The following PRKCB variants were observed in gnomAD, a reference collection of about 807,000 sequenced individuals.
PRKCB encodes protein kinase C beta type.
PRKCB carries 13 observed loss-of-function variants against 81.5 expected under a neutral mutation model. The observed-to-expected ratio is 0.16, with a 90% confidence interval of 0.10 to 0.25. PRKCB has a LOEUF of 0.25. Among genes scored for constraint, PRKCB ranks in the 10% least tolerant of loss-of-function variants. The pLI, the probability that PRKCB is intolerant of heterozygous loss-of-function variation, is 1.00. For missense variants in PRKCB, 509 were observed against 875.7 expected, an observed-to-expected ratio of 0.58 and a Z score of 5.29; for synonymous variants, 335 against 321.4, an observed-to-expected ratio of 1.04 and a Z score of -0.45.
intron 3 of PRKCB, among the ~76,000 whole-genome samples, chr16:24,015,794 G>A (rs1397471164): frequency 6.6e-6 from 1 of 152,192 alleles, no homozygotes; most frequent in Non-Finnish European, 1.5e-5. Context: ...CATAGGGAAG[G>A]TACTCAACGA....
chr16:23,875,499 ATATATATG>A lies in PRKCB; in HGVS notation c.205+38094_205+38101del, dbSNP rs1173439236. Reference sequence around the variant, plus strand: ...TAAAAAGATATATATATATATATATATATATATGATGTATATCACACACATATGTGTAT... The same window carrying A: ...TAAAAAGATATATATATATATATATAATGTATATCACACACATATGTGTAT... On this transcript the variant is annotated intron_variant, in intron 2 of 16. Transcript: ENST00000643927. 4.6e-3 allele frequency among the ~76,000 whole-genome samples: 81 copies of A among 17,568 alleles called. 6 individuals carry two copies. The highest frequency in any genetic ancestry group is 0.014 in the African/African-American group (63 of 4,558). The allele number at this position is 17,568 out of a possible 152,430, so 11.5% of individuals were successfully genotyped here.
chr16:23,847,154 T>C (rs2141078945), intron 2 of PRKCB, among the ~76,000 whole-genome samples: 1 of 152,228 alleles, frequency 6.6e-6, no homozygotes, highest in South Asian at 2.1e-4. Context: ...CTAGCTTTCT[T>C]TTTTCTTTCA....
chr16:23,876,230 C>T (rs1057161636), intron 2 of PRKCB, among the ~76,000 whole-genome samples: 1 of 152,184 alleles, frequency 6.6e-6, no homozygotes, highest in African/African-American at 2.4e-5. Context: ...ACCAGGGAAG[C>T]CAGATATGGA....
At chr16:24,158,878 C>G (rs1188975625) in intron 10 of PRKCB, among the ~76,000 whole-genome samples, 1 of 152,110 alleles carries the variant, frequency 6.6e-6, no homozygotes, top group Non-Finnish European at 1.5e-5. Context: ...CTAGGCTGGT[C>G]TCAATCTTCT....
intron 5 of PRKCB, among the ~76,000 whole-genome samples, chr16:24,053,669 A>G (rs963027668): frequency 6.6e-6 from 1 of 152,194 alleles, no homozygotes; most frequent in Non-Finnish European, 1.5e-5. Context: ...ACATTGAGTA[A>G]AGACTTTCAA....
chr16:24,111,013 T>A (rs1264195745), intron 7 of PRKCB: 2 of 152,244 alleles, frequency 1.3e-5, no homozygotes, highest in East Asian at 3.8e-4. Flanking sequence ...AGCATCTGAA[T>A]GGATAAAGTT....
At chr16:24,058,440 G>A (rs986561439) in intron 5 of PRKCB, among the ~76,000 whole-genome samples, 1 of 151,926 alleles carries the variant, frequency 6.6e-6, no homozygotes, top group East Asian at 1.9e-4. Context: ...AACCAAAAAC[G>A]GTGGGCTGCT....
intron 2 of PRKCB, among the ~76,000 whole-genome samples, chr16:23,920,537 C>G (rs1567314287): frequency 1.3e-5 from 2 of 152,094 alleles, no homozygotes; most frequent in Non-Finnish European, 1.5e-5. Flanking sequence ...TTTTTTGACA[C>G]TAATGGAACA....
At chr16:24,168,362 C>T (rs959723956) in intron 10 of PRKCB, among the ~76,000 whole-genome samples, 10 of 152,106 alleles carry the variant, frequency 6.6e-5, no homozygotes, top group Non-Finnish European at 1.3e-4. Context: ...GGTTTTATAG[C>T]CCCTCACAAT....
chr16:23,932,626 T>C (rs1389824915), intron 2 of PRKCB, among the ~76,000 whole-genome samples: 2 of 152,200 alleles, frequency 1.3e-5, no homozygotes, highest in African/African-American at 4.8e-5. Flanking sequence ...TCAGGAATCA[T>C]GCAATGTGCA....
chr16:24,089,290 G>GT (rs1966346045), intron 5 of PRKCB, among the ~76,000 whole-genome samples: 1 of 152,166 alleles, frequency 6.6e-6, no homozygotes, highest in South Asian at 2.1e-4. Context: ...GAATCTATCT[G>GT]TGGGGGTGGG....
chr16:24,020,305 C>T (rs1480292465), intron 3 of PRKCB, among the ~76,000 whole-genome samples: 1 of 152,102 alleles, frequency 6.6e-6, no homozygotes, highest in Non-Finnish European at 1.5e-5. Context: ...ATAAAAATGG[C>T]AGTACTGAAT....
At chr16:24,206,712 G>GCAGC (rs1482699275) in intron 16 of PRKCB, among the ~76,000 whole-genome samples, 2 of 152,080 alleles carry the variant, frequency 1.3e-5, no homozygotes, top group Non-Finnish European at 2.9e-5. Context: ...GTGCTCAATG[G>GCAGC]CAGCACCTGT....
intron 2 of PRKCB, among the ~76,000 whole-genome samples, chr16:23,969,135 A>G (rs1294227878): frequency 2.0e-5 from 3 of 152,104 alleles, no homozygotes; most frequent in Non-Finnish European, 4.4e-5. Context: ...GCGCCACTGC[A>G]CTCCAGCCTG....
At chr16:23,852,405 T>A (rs1383266174) in intron 2 of PRKCB, among the ~76,000 whole-genome samples, 3 of 152,214 alleles carry the variant, frequency 2.0e-5, no homozygotes, top group Non-Finnish European at 2.9e-5. Context: ...TTTGTTAACA[T>A]GGGTATCACA....
intron 10 of PRKCB, among the ~76,000 whole-genome samples, chr16:24,171,874 C>T (rs1967445722): frequency 1.3e-5 from 2 of 152,088 alleles, no homozygotes; most frequent in Admixed American, 6.5e-5. Context: ...GCTGGGATTA[C>T]AGGTGCCTGC....
intron 2 of PRKCB, among the ~76,000 whole-genome samples, chr16:23,980,250 C>A (rs1964677552): frequency 6.6e-6 from 1 of 152,228 alleles, no homozygotes; most frequent in Non-Finnish European, 1.5e-5. Flanking sequence ...GTGACCAGAA[C>A]TTTCTGTCTT....
At chr16:23,945,144 G>C (rs1022941822) in intron 2 of PRKCB, among the ~76,000 whole-genome samples, 5 of 152,124 alleles carry the variant, frequency 3.3e-5, no homozygotes, top group African/African-American at 7.2e-5. Context: ...CGGGACAGTG[G>C]TTCTTTCATT....
intron 7 of PRKCB, among the ~76,000 whole-genome samples, chr16:24,096,675 A>G (rs1478573400): frequency 2.8e-4 from 5 of 17,982 alleles, no homozygotes; most frequent in African/African-American, 7.4e-4. Context: ...AAATATATAT[A>G]TATATATATA....
Sources: allele counts gnomAD v4.1 joint callset (sites outside exome capture counted in the v4.1 genomes callset), GRCh38; gene constraint gnomAD v4.1.1; transcripts MANE v1.5; gene names NCBI Gene and HGNC (gene_info 2026-07-23, HGNC 2026-07-21).